BLTP3B: variants seen among roughly 807,000 people sequenced by gnomAD.
The protein encoded by BLTP3B is bridge-like lipid transfer protein family member 3B.
At chr12:100,097,555 A>AG in the BLTP3B span, 1 of 1,509,536 alleles carries the variant, frequency 6.6e-7, no homozygotes, top group Non-Finnish European at 8.9e-7. Context: ...AAACAGAATG[A>AG]GAAAAATGTA....
At chr12:100,053,322 C>T in the BLTP3B span, among the ~76,000 whole-genome samples, 3,199 of 151,950 alleles carry the variant, frequency 0.021, 118 homozygotes, top group African/African-American at 0.073. Context: ...GCAGGAGAAT[C>T]ACTTGAACCC....
At chr12:100,059,155 T>C in the BLTP3B span, 1 of 1,614,124 alleles carries the variant, frequency 6.2e-7, no homozygotes, top group Admixed American at 1.7e-5. Flanking sequence ...CCACTTTTCA[T>C]CCCTTCATAA....
At chr12:100,060,542 T>C in the BLTP3B span, among the ~76,000 whole-genome samples, 6 of 152,200 alleles carry the variant, frequency 3.9e-5, no homozygotes, top group African/African-American at 1.4e-4. Context: ...GAAAGTGCTA[T>C]GCTAGCAGGT....
chr12:100,117,388 C>CA, the BLTP3B span, among the ~76,000 whole-genome samples: 98 of 152,206 alleles, frequency 6.4e-4, no homozygotes, highest in Admixed American at 1.0e-3. Flanking sequence ...GTCTCCTTGC[C>CA]AAAAACCCCT....
At chr12:100,101,992 G>T in the BLTP3B span, among the ~76,000 whole-genome samples, 3 of 151,908 alleles carry the variant, frequency 2.0e-5, no homozygotes. Flanking sequence ...TAGAGACGGG[G>T]TTTCACCATG....
the BLTP3B span, among the ~76,000 whole-genome samples, chr12:100,136,428 A>G: frequency 1.3e-5 from 2 of 152,148 alleles, no homozygotes; most frequent in African/African-American, 4.8e-5. Context: ...CATGCTTCTT[A>G]TATTAGAATA....
the BLTP3B span, among the ~76,000 whole-genome samples, chr12:100,048,732 G>GT: frequency 2.1e-5 from 3 of 140,294 alleles, no homozygotes; most frequent in African/African-American, 5.6e-5. Flanking sequence ...ATAGTAAGGG[G>GT]GGGGAGAGAG....
At chr12:100,095,627 A>C in the BLTP3B span, 1 of 1,570,520 alleles carries the variant, frequency 6.4e-7, no homozygotes, top group South Asian at 1.2e-5. Flanking sequence ...AACTATTTTC[A>C]TGTAAAGTAA....
the BLTP3B span, among the ~76,000 whole-genome samples, chr12:100,106,279 TAA>T: frequency 0.24 from 35,014 of 147,936 alleles, 5,502 homozygotes; most frequent in African/African-American, 0.45. Flanking sequence ...ATGACTCTAT[TAA>T]AAAAAAAAAA....
chr12:100,039,679 C>A, the BLTP3B span: 1 of 1,614,094 alleles, frequency 6.2e-7, no homozygotes, highest in South Asian at 1.1e-5. Context: ...GTCTGAGTGG[C>A]TTGCGTGACA....
chr12:100,070,002 G>A, the BLTP3B span: 10 of 1,227,786 alleles, frequency 8.1e-6, no homozygotes, highest in East Asian at 3.3e-4. Context: ...TGGCCGTGGT[G>A]AATACAGGGG....
At chr12:100,064,893 A>G in the BLTP3B span, among the ~76,000 whole-genome samples, 4 of 151,860 alleles carry the variant, frequency 2.6e-5, no homozygotes, top group Non-Finnish European at 1.5e-5. Context: ...AAAAATTAAC[A>G]ATTAAAAAAA....
the BLTP3B span, among the ~76,000 whole-genome samples, chr12:100,138,637 C>A: frequency 1.3e-5 from 2 of 152,214 alleles, no homozygotes; most frequent in African/African-American, 4.8e-5. Context: ...TTAAACTATA[C>A]GATGACTCCA....
At chr12:100,108,542 G>C in the BLTP3B span, 1 of 1,603,134 alleles carries the variant, frequency 6.2e-7, no homozygotes, top group Non-Finnish European at 8.5e-7. Flanking sequence ...ATAAATTTTT[G>C]GTAAATCTGA....
At chr12:100,068,161 T>C in the BLTP3B span, among the ~76,000 whole-genome samples, 1 of 152,116 alleles carries the variant, frequency 6.6e-6, no homozygotes, top group Non-Finnish European at 1.5e-5. Context: ...CACAGACCAA[T>C]GGAACAGAAT....
At chr12:100,057,184 T>C in the BLTP3B span, among the ~76,000 whole-genome samples, 1 of 152,190 alleles carries the variant, frequency 6.6e-6, no homozygotes, top group Non-Finnish European at 1.5e-5. Context: ...GCTGGTAGCC[T>C]TAATGTCGCC....
the BLTP3B span, among the ~76,000 whole-genome samples, chr12:100,123,765 A>G: frequency 1.4e-4 from 21 of 151,834 alleles, no homozygotes; most frequent in Non-Finnish European, 2.9e-4. Context: ...TTTTTTTTAA[A>G]TGCATTCTCA....
the BLTP3B span, among the ~76,000 whole-genome samples, chr12:100,081,271 G>A: frequency 2.0e-5 from 3 of 152,166 alleles, no homozygotes; most frequent in Non-Finnish European, 2.9e-5. Flanking sequence ...ATGGCTGGTT[G>A]TAATTTGTAT....
chr12:100,091,161 C>T, the BLTP3B span, among the ~76,000 whole-genome samples: 7 of 145,526 alleles, frequency 4.8e-5, no homozygotes, highest in South Asian at 2.2e-4. Flanking sequence ...GGATTATAGG[C>T]GTGCACCATC....
Sources: gnomAD v4.1 joint callset for allele counts (sites outside exome capture counted in the v4.1 genomes callset) on GRCh38, gnomAD v4.1.1 for gene constraint, MANE v1.5 for transcripts, NCBI Gene and HGNC (gene_info 2026-07-23, HGNC 2026-07-21) for gene names.